TENM3: variants seen among roughly 807,000 people sequenced by gnomAD.
TENM3 encodes the protein teneurin transmembrane protein 3.
Under a neutral mutation model 255.1 loss-of-function variants are expected in TENM3, and 63 were observed. The observed-to-expected ratio is 0.25, with a 90% CI of 0.20 to 0.30. TENM3 has a LOEUF of 0.30. Among genes scored for constraint, TENM3 ranks in the 10% least tolerant of loss-of-function variants. The pLI is 1.00. For synonymous variants in TENM3, 1,306 were observed against 1,322.3 expected, an observed-to-expected ratio of 0.99 and a Z score of 0.27; for missense variants, 2,929 against 3,461.1, an observed-to-expected ratio of 0.85 and a Z score of 3.86.
intron 18 of TENM3, among the ~76,000 whole-genome samples, chr4:182,740,630 A>G (rs963989240): frequency 6.6e-6 from 1 of 152,230 alleles, no homozygotes; most frequent in Non-Finnish European, 1.5e-5. Flanking sequence ...TTACGAATCA[A>G]TAGGAAAACT....
intron 16 of TENM3, among the ~76,000 whole-genome samples, chr4:182,733,457 T>C (rs1760931598): frequency 6.6e-6 from 1 of 151,666 alleles, no homozygotes; most frequent in Non-Finnish European, 1.5e-5. Context: ...GGAGGCCAGT[T>C]AGGAGGCAAC....
the TENM3 span, among the ~76,000 whole-genome samples, chr4:181,907,061 T>G: frequency 5.0e-4 from 76 of 152,224 alleles, no homozygotes; most frequent in African/African-American, 1.7e-3. Flanking sequence ...CCGCACTCTA[T>G]TTTTAGTAAA....
chr4:181,634,033 C>T, the TENM3 span, among the ~76,000 whole-genome samples: 10 of 152,324 alleles, frequency 6.6e-5, no homozygotes, highest in African/African-American at 2.4e-4. Flanking sequence ...ATCTTCAGTT[C>T]AGCCACATCC....
chr4:182,728,767 T>C (rs765658036), intron 13 of TENM3, among the ~76,000 whole-genome samples, 198 bp from the exon 14 acceptor site: 9 of 152,148 alleles, frequency 5.9e-5, no homozygotes, highest in Non-Finnish European at 2.9e-5. Flanking sequence ...TTATATATGG[T>C]CTGTCATTAT....
intron 1 of TENM3, among the ~76,000 whole-genome samples, chr4:182,278,200 C>T (rs552773769): frequency 6.6e-6 from 1 of 152,186 alleles, no homozygotes; most frequent in African/African-American, 2.4e-5. Flanking sequence ...AACCCTGTCT[C>T]TACCAAAAAT....
At chr4:181,925,256 T>C in the TENM3 span, among the ~76,000 whole-genome samples, 11 of 152,236 alleles carry the variant, frequency 7.2e-5, no homozygotes, top group African/African-American at 2.7e-4. Context: ...CAAAGTATCA[T>C]AGCAGAGTGC....
chr4:182,252,032 A>G (rs1194889982), intron 1 of TENM3, among the ~76,000 whole-genome samples: 1 of 152,018 alleles, frequency 6.6e-6, no homozygotes, highest in Non-Finnish European at 1.5e-5. Context: ...AAAATACAAA[A>G]ACTTGCTGGG....
chr4:181,854,892 G>C, the TENM3 span, among the ~76,000 whole-genome samples: 2 of 152,154 alleles, frequency 1.3e-5, no homozygotes, highest in Non-Finnish European at 2.9e-5. Flanking sequence ...TACAGAGTAC[G>C]CGTTAGCTAG....
At chr4:181,561,857 A>T in the TENM3 span, among the ~76,000 whole-genome samples, 4 of 152,214 alleles carry the variant, frequency 2.6e-5, no homozygotes, top group Non-Finnish European at 4.4e-5. Flanking sequence ...ATGCCTTTTG[A>T]TACATGTTTT....
chr4:182,544,552 A>T (rs1253731601), intron 3 of TENM3, among the ~76,000 whole-genome samples: 1 of 151,866 alleles, frequency 6.6e-6, no homozygotes, highest in Non-Finnish European at 1.5e-5. Context: ...GCTGGTCTTG[A>T]ACTCCTGACC....
chr4:182,713,231 A>C (rs1026705895), intron 12 of TENM3, among the ~76,000 whole-genome samples: 3 of 152,208 alleles, frequency 2.0e-5, no homozygotes, highest in Admixed American at 6.5e-5. Context: ...ACTCTTCGCT[A>C]TCTGTCTTGA....
At chr4:182,050,940 T>A in the TENM3 span, among the ~76,000 whole-genome samples, 3 of 152,150 alleles carry the variant, frequency 2.0e-5, no homozygotes, top group Non-Finnish European at 2.9e-5. Context: ...GTGGCTGGCA[T>A]AGGAATGCAA....
chr4:182,482,759 A>G (rs1474733302), intron 3 of TENM3, among the ~76,000 whole-genome samples: 3 of 152,206 alleles, frequency 2.0e-5, no homozygotes, highest in African/African-American at 7.2e-5. Flanking sequence ...GTAGGTAGGT[A>G]TTACACAGGA....
chr4:181,868,472 A>G, the TENM3 span, among the ~76,000 whole-genome samples: 3 of 152,188 alleles, frequency 2.0e-5, no homozygotes, highest in African/African-American at 7.2e-5. Context: ...ACTAATTGGC[A>G]TTATCTCACC....
chr4:182,600,731 A>G (rs1747746069), intron 3 of TENM3, among the ~76,000 whole-genome samples, 193 bp from the exon 4 acceptor site: 1 of 152,016 alleles, frequency 6.6e-6, no homozygotes, highest in Non-Finnish European at 1.5e-5. Context: ...ATCAAGGGTA[A>G]ACTTGCTCTT....
At chr4:182,003,641 C>A in the TENM3 span, among the ~76,000 whole-genome samples, 2 of 152,032 alleles carry the variant, frequency 1.3e-5, no homozygotes, top group African/African-American at 4.8e-5. Context: ...ACATTGTGAG[C>A]TTCAGGTTGT....
intron 16 of TENM3, among the ~76,000 whole-genome samples, chr4:182,733,035 A>G (rs566151056): frequency 1.3e-5 from 2 of 152,324 alleles, no homozygotes; most frequent in East Asian, 3.9e-4. Context: ...TTCCCAACTC[A>G]TGAGTGGAGA....
At chr4:181,896,600 C>T in the TENM3 span, among the ~76,000 whole-genome samples, 1 of 152,192 alleles carries the variant, frequency 6.6e-6, no homozygotes, top group African/African-American at 2.4e-5. Context: ...CCATGGTACA[C>T]TCTAAATGCA....
chr4:181,725,486 ACT>A, the TENM3 span, among the ~76,000 whole-genome samples: 2 of 138,664 alleles, frequency 1.4e-5, no homozygotes, highest in African/African-American at 5.5e-5. Flanking sequence ...ACGGAGTCTC[ACT>A]CTGTCACCCA....
Sources: gnomAD v4.1 joint callset for allele counts (sites outside exome capture counted in the v4.1 genomes callset) on GRCh38, gnomAD v4.1.1 for gene constraint, MANE v1.5 for transcripts, NCBI Gene and HGNC (gene_info 2026-07-23, HGNC 2026-07-21) for gene names.